CAPN3: variants seen among roughly 807,000 people sequenced by gnomAD.
The protein encoded by CAPN3 is calpain 3, also known as calpain-3.
A neutral mutation model predicts 114.0 loss-of-function variants in CAPN3; 88 were observed. The observed-to-expected ratio is 0.77, with a 90% CI of 0.65 to 0.92. The LOEUF is 0.92. CAPN3 is among the 40% of genes least tolerant of loss of function. The pLI is 0.00. For synonymous variants in CAPN3, 386 were observed against 382.9 expected, an observed-to-expected ratio of 1.01 and a Z score of -0.09; for missense variants, 1,028 against 1,069.0, an observed-to-expected ratio of 0.96 and a Z score of 0.53.
intron 14 of CAPN3, chr15:42,404,939 G>C: frequency 1.0e-5 from 10 of 999,814 alleles, no homozygotes; most frequent in Non-Finnish European, 1.2e-5. Context: ...AAAAGCTTAT[G>C]GGAGCTGGCA....
intron 1 of CAPN3, among the ~76,000 whole-genome samples, chr15:42,382,520 C>T (rs1382807535): frequency 6.6e-6 from 1 of 152,122 alleles, no homozygotes; most frequent in Non-Finnish European, 1.5e-5. Flanking sequence ...AGGCATGCGC[C>T]ACCATGTCCA....
chr15:42,382,379 G>A (rs28398224), intron 1 of CAPN3, among the ~76,000 whole-genome samples: 1 of 151,564 alleles, frequency 6.6e-6, no homozygotes, highest in Non-Finnish European at 1.5e-5. Context: ...TTTTGTTTTT[G>A]TTTTTTTGAG....
Position 42,401,470 on chromosome 15 carries a change from A to AGT in CAPN3, c.1355-170_1355-169insTG, listed in dbSNP as rs1343059091. ...AGTACAGCTCCATCTGAATAAAGGTAGCGCCCCCCCCCCCCCCAAATCATT... is the reference window on the plus strand; with the variant it reads ...AGTACAGCTCCATCTGAATAAAGGTAGTGCGCCCCCCCCCCCCCCAAATCATT... On this transcript the variant is annotated intron_variant, in intron 10 of 23. Transcript: ENST00000397163. Among the ~76,000 whole-genome samples, 13 of 94,210 alleles carry AGT rather than the reference A, an allele frequency of 1.4e-4. 1 individual carries two copies. The highest frequency in any genetic ancestry group is 6.7e-4 in the African/African-American group (13 of 19,474). The allele number at this position is 94,210 out of a possible 152,430, so 61.8% of individuals were successfully genotyped here. A position where few individuals can be genotyped will look rare whatever the true frequency, so the allele number is the denominator to read the frequency against.
chr15:42,377,693 G>A lies in CAPN3; in HGVS notation c.310-6790G>A, dbSNP rs115679358. ...AATGCTGGCCTGATAGAATGAGTTA[G>A]GAAGTGTTCCCTCTGCTTCTATTTT... On this transcript the variant is annotated intron_variant, in intron 1 of 23. Coordinates refer to ENST00000397163, the MANE Select transcript of CAPN3 (RefSeq NM_000070.3). Among the ~76,000 whole-genome samples, 404 of 152,214 alleles carry A rather than the reference G, an allele frequency of 2.7e-3. 1 individual carries two copies. Among genetic ancestry groups the A allele is most frequent in the African/African-American group, 9.4e-3 (391 of 41,544 alleles).
At chr15:42,392,063 G>C (rs776523190) in intron 6 of CAPN3, among the ~76,000 whole-genome samples, 18 of 152,142 alleles carry the variant, frequency 1.2e-4, no homozygotes, top group Admixed American at 2.0e-4. Flanking sequence ...TACTCGGGAG[G>C]CTGAGGCAGG....
At chr15:42,410,267 G>A (rs754174541) in intron 19 of CAPN3, 161 bp from the exon 20 acceptor site, 101 of 800,638 alleles carry the variant, frequency 1.3e-4, no homozygotes, top group Non-Finnish European at 2.0e-4. Context: ...CGGCTCCTGG[G>A]TTACAGAGTA....
At chr15:42,384,136 G>A (rs1260383027) in intron 1 of CAPN3, among the ~76,000 whole-genome samples, 1 of 151,960 alleles carries the variant, frequency 6.6e-6, no homozygotes, top group African/African-American at 2.4e-5. Flanking sequence ...TACTGCGGCC[G>A]GGCGCGGTGG....
rs2054280824 is a variant in CAPN3, at chr15:42,412,190, T to C, written c.*417T>C. Reference sequence around the variant, plus strand: ...CATGGGCCAGGAACCAAACCAGCACTGGGTTCTACTGCTGTGGGGTAAACT... The same window carrying C: ...CATGGGCCAGGAACCAAACCAGCACCGGGTTCTACTGCTGTGGGGTAAACT... On this transcript the variant is annotated 3_prime_UTR_variant, in exon 24 of 24. Transcript: ENST00000397163. The C allele has an allele frequency of 6.5e-7, 1 of 1,535,946 alleles. No individual in the cohort carries two copies. The highest frequency in any genetic ancestry group is 1.4e-5 in the African/African-American group (1 of 73,036).
chr15:42,389,181 G>A, intron 5 of CAPN3, 85 bp downstream of exon 5: 3 of 1,296,412 alleles, frequency 2.3e-6, no homozygotes, highest in Non-Finnish European at 3.3e-6. Context: ...TAGAGCTTTT[G>A]TGTGGGACAG....
intron 10 of CAPN3, among the ~76,000 whole-genome samples, chr15:42,401,151 G>A (rs936740206): frequency 3.6e-4 from 55 of 151,796 alleles, no homozygotes; most frequent in African/African-American, 1.2e-3. Context: ...CCGAGATCGC[G>A]CCACTGCACT....
At chr15:42,402,757 AG>A (rs761326661) in intron 12 of CAPN3, 36 bp from the exon 13 acceptor site, 2 of 1,604,926 alleles carry the variant, frequency 1.2e-6, no homozygotes, top group South Asian at 2.2e-5. Flanking sequence ...GTTCCTCCCG[AG>A]GGGCTCATGT....
chr15:42,412,102 C>G lies in CAPN3; in HGVS notation c.*329C>G. 1 of 1,535,562 alleles carries G rather than the reference C, an allele frequency of 6.5e-7. No individual in the cohort carries two copies. The highest frequency in any genetic ancestry group is 8.7e-7 in the Non-Finnish European group (1 of 1,146,788). On this transcript the variant is annotated 3_prime_UTR_variant, in exon 24 of 24. Transcript: ENST00000397163. ...TTGCTCTAGGCTGTCTGCAGAAGCA[C>G]CTGCCGGTGGCACTCAGCACCTCCT...
intron 3 of CAPN3, 62 bp from the exon 4 acceptor site, chr15:42,387,691 G>A: frequency 1.3e-6 from 2 of 1,598,018 alleles, no homozygotes; most frequent in East Asian, 2.2e-5. Context: ...GAATGTGGAG[G>A]AAGGACACAT....
In CAPN3 at chr15:42,373,143, A is replaced by G. The variant is rs148998071; in HGVS notation, c.310-11340A>G. Among the ~76,000 whole-genome samples, 1,226 of 152,244 alleles carry G rather than the reference A, an allele frequency of 8.1e-3. 14 individuals carry two copies. Among genetic ancestry groups the G allele is most frequent in the African/African-American group, 0.028 (1,172 of 41,530 alleles). On this transcript the variant is annotated intron_variant, in intron 1 of 23. Coordinates refer to ENST00000397163, the MANE Select transcript of CAPN3 (RefSeq NM_000070.3). Reference sequence around the variant, plus strand: ...AGGAGGTGGAGGTTGCAGTGAGCCGAGATCATGCCACCGCACTCCAGCCTG... The same window carrying G: ...AGGAGGTGGAGGTTGCAGTGAGCCGGGATCATGCCACCGCACTCCAGCCTG...
At chr15:42,382,295 C>G (rs957704941) in intron 1 of CAPN3, among the ~76,000 whole-genome samples, 6 of 151,966 alleles carry the variant, frequency 3.9e-5, no homozygotes, top group African/African-American at 1.5e-4. Flanking sequence ...TTTGCCCTTT[C>G]AATCAATATG....
chr15:42,408,527 C>T (rs1439686770), intron 16 of CAPN3: 3 of 570,708 alleles, frequency 5.3e-6, no homozygotes, highest in Non-Finnish European at 9.9e-6. Flanking sequence ...ATGGGGGTTC[C>T]ATTCTAGGAG....
At chr15:42,391,216 GTTC>G (rs1445431208) in intron 6 of CAPN3, among the ~76,000 whole-genome samples, 1 of 152,088 alleles carries the variant, frequency 6.6e-6, no homozygotes, top group Non-Finnish European at 1.5e-5. Flanking sequence ...GGAAAGTTGA[GTTC>G]TTTTTTTTCT....
At chr15:42,361,653 C>T (rs755412876) in intron 1 of CAPN3, among the ~76,000 whole-genome samples, 5 of 152,132 alleles carry the variant, frequency 3.3e-5, no homozygotes, top group Non-Finnish European at 7.3e-5. Context: ...GCTGAAATAT[C>T]TTCAGTGACA....
intron 1 of CAPN3, among the ~76,000 whole-genome samples, chr15:42,376,615 C>G (rs1461687628): frequency 6.6e-6 from 1 of 151,722 alleles, no homozygotes; most frequent in Non-Finnish European, 1.5e-5. Context: ...TGTGTATCTC[C>G]TGCCCCAATC....
Sources: gnomAD v4.1 joint callset for allele counts (sites outside exome capture counted in the v4.1 genomes callset) on GRCh38, gnomAD v4.1.1 for gene constraint, MANE v1.5 for transcripts, NCBI Gene and HGNC (gene_info 2026-07-23, HGNC 2026-07-21) for gene names.